TMTC2: variants seen among roughly 807,000 people sequenced by gnomAD.
TMTC2 encodes transmembrane O-mannosyltransferase targeting cadherins 2, also known as protein O-mannosyl-transferase TMTC2.
In TMTC2, 43 loss-of-function variants were observed where a neutral mutation model predicts 82.4. The observed-to-expected ratio is 0.52, with a 90% CI of 0.41 to 0.67. The LOEUF (loss-of-function observed/expected upper bound fraction) is 0.67, where lower values mean the gene tolerates loss of function less well. TMTC2 is among the 30% of genes least tolerant of loss of function. The pLI is 0.00. For missense variants in TMTC2, 919 were observed against 1,012.4 expected, an observed-to-expected ratio of 0.91 and a Z score of 1.25; for synonymous variants, 408 against 381.9, an observed-to-expected ratio of 1.07 and a Z score of -0.80.
chr12:82,879,574 G>GC (rs1872732179), intron 2 of TMTC2, among the ~76,000 whole-genome samples: 1 of 152,170 alleles, frequency 6.6e-6, no homozygotes, highest in East Asian at 1.9e-4. Context: ...CCGGTTCGTG[G>GC]CCCAGGATTT....
chr12:83,088,934 A>G (rs191273754), intron 11 of TMTC2, among the ~76,000 whole-genome samples: 20 of 152,342 alleles, frequency 1.3e-4, no homozygotes, highest in Non-Finnish European at 2.4e-4. Flanking sequence ...CATGAGATAT[A>G]GGATGCATGA....
At position 82,690,900 on chromosome 12, in the gene TMTC2, AC is replaced by A. The variant is rs199721678; in HGVS notation, c.83+3232del. Reference sequence around the variant, plus strand: ...CTGACCCAAAACTCTCTGCATTCTTACGCATTTGTTGAGGATGACATGGCAT... The same window carrying A: ...CTGACCCAAAACTCTCTGCATTCTTAGCATTTGTTGAGGATGACATGGCAT... On this transcript the variant is annotated intron_variant, in intron 1 of 11. Coordinates refer to ENST00000321196, the MANE Select transcript of TMTC2 (RefSeq NM_152588.3). 6.4e-3 allele frequency among the ~76,000 whole-genome samples: 981 copies of A among 152,292 alleles called. 12 individuals carry two copies. The highest frequency in any genetic ancestry group is 0.023 in the African/African-American group (936 of 41,576).
At chr12:82,762,207 T>A (rs1033450556) in intron 1 of TMTC2, among the ~76,000 whole-genome samples, 8 of 152,190 alleles carry the variant, frequency 5.3e-5, no homozygotes, top group Admixed American at 2.0e-4. Context: ...GAACTCGTGA[T>A]CCACCCACCT....
chr12:82,770,178 A>G (rs190067984), intron 1 of TMTC2, among the ~76,000 whole-genome samples: 1 of 152,190 alleles, frequency 6.6e-6, no homozygotes, highest in Non-Finnish European at 1.5e-5. Context: ...GAGTTTGCCT[A>G]GGAAACGATA....
chr12:82,847,652 G>A (rs1870759664), intron 1 of TMTC2, among the ~76,000 whole-genome samples: 1 of 152,104 alleles, frequency 6.6e-6, no homozygotes, highest in Admixed American at 6.5e-5. Flanking sequence ...GCAGGGACAT[G>A]GATGAAGCTG....
chr12:82,754,663 T>C (rs1000698359), intron 1 of TMTC2, among the ~76,000 whole-genome samples: 1 of 152,116 alleles, frequency 6.6e-6, no homozygotes, highest in African/African-American at 2.4e-5. Context: ...CTTGAACCTG[T>C]GAGGCAGAGT....
intron 1 of TMTC2, among the ~76,000 whole-genome samples, chr12:82,757,780 A>C (rs575435578): frequency 2.6e-5 from 4 of 152,344 alleles, no homozygotes; most frequent in African/African-American, 9.6e-5. Context: ...CAGATTTTAC[A>C]TCTTGCAAAG....
chr12:83,083,313 TTGCTTTTTCTAAAATTGCCA>T (rs1343198368), intron 11 of TMTC2, among the ~76,000 whole-genome samples: 1 of 152,210 alleles, frequency 6.6e-6, no homozygotes, highest in African/African-American at 2.4e-5. Context: ...GCATTTATAC[TTGCTTTTTCTAAAATTGCCA>T]TGCTTTTTCT....
At chr12:83,025,483 T>G (rs1379964130) in intron 8 of TMTC2, among the ~76,000 whole-genome samples, 2 of 152,174 alleles carry the variant, frequency 1.3e-5, no homozygotes, top group South Asian at 4.1e-4. Flanking sequence ...CTAAAACACT[T>G]CTGACACAAG....
At chr12:82,873,227 GT>G (rs1872301926) in intron 2 of TMTC2, among the ~76,000 whole-genome samples, 1 of 151,572 alleles carries the variant, frequency 6.6e-6, no homozygotes, top group Non-Finnish European at 1.5e-5. Flanking sequence ...GTGTGTGTGT[GT>G]GTGTGTGTGT....
At chr12:83,005,557 G>A (rs1880164098) in intron 8 of TMTC2, among the ~76,000 whole-genome samples, 2 of 152,048 alleles carry the variant, frequency 1.3e-5, no homozygotes, top group African/African-American at 2.4e-5. Context: ...GAGAGTGACG[G>A]CTCTTACCCT....
At chr12:82,880,332 G>A (rs1049241266) in intron 2 of TMTC2, among the ~76,000 whole-genome samples, 2 of 152,142 alleles carry the variant, frequency 1.3e-5, no homozygotes, top group Non-Finnish European at 1.5e-5. Flanking sequence ...AACATTTATA[G>A]CACAATGTTA....
At chr12:83,000,916 G>T (rs1406152653) in intron 8 of TMTC2, among the ~76,000 whole-genome samples, 2 of 152,160 alleles carry the variant, frequency 1.3e-5, no homozygotes, top group African/African-American at 4.8e-5. Context: ...GCCAAGGCAT[G>T]GGGCTTCCAC....
At chr12:82,739,147 T>TA (rs59846972) in intron 1 of TMTC2, among the ~76,000 whole-genome samples, 4,234 of 139,282 alleles carry the variant, frequency 0.03, 225 homozygotes, top group African/African-American at 0.11. Context: ...GACTCTGTCT[T>TA]AAAAAAAAAA....
At chr12:82,780,807 T>A (rs963005462) in intron 1 of TMTC2, among the ~76,000 whole-genome samples, 8 of 149,064 alleles carry the variant, frequency 5.4e-5, no homozygotes, top group Non-Finnish European at 9.0e-5. Flanking sequence ...TAAGAAGTTT[T>A]GTTTTTTTTT....
intron 11 of TMTC2, among the ~76,000 whole-genome samples, chr12:83,129,559 T>C (rs1308252272): frequency 1.3e-5 from 2 of 152,094 alleles, no homozygotes; most frequent in African/African-American, 4.8e-5. Context: ...AATAGTGAGG[T>C]CTATTTATGT....
At chr12:83,067,510 A>C (rs1030395688) in intron 11 of TMTC2, among the ~76,000 whole-genome samples, 1 of 151,986 alleles carries the variant, frequency 6.6e-6, no homozygotes, top group African/African-American at 2.4e-5. Flanking sequence ...CTGAAGAAGA[A>C]AAAGGAGACT....
chr12:83,098,677 G>C (rs1292843187), intron 11 of TMTC2, among the ~76,000 whole-genome samples: 1 of 152,150 alleles, frequency 6.6e-6, no homozygotes, highest in Non-Finnish European at 1.5e-5. Flanking sequence ...ATATGTAGAT[G>C]AGCTCTTAAG....
chr12:82,772,532 C>G (rs1592509297), intron 1 of TMTC2, among the ~76,000 whole-genome samples: 1 of 152,144 alleles, frequency 6.6e-6, no homozygotes. Flanking sequence ...AGTTTGGAAA[C>G]TGTAAAACAT....
Sources: allele counts gnomAD v4.1 joint callset (sites outside exome capture counted in the v4.1 genomes callset), GRCh38; gene constraint gnomAD v4.1.1; transcripts MANE v1.5; gene names NCBI Gene and HGNC (gene_info 2026-07-23, HGNC 2026-07-21).